Variants in ZNG1A observed in about 807,000 individuals in gnomAD.
ZNG1A encodes zinc-regulated GTPase metalloprotein activator 1A.
the ZNG1A span, among the ~76,000 whole-genome samples, chr9:176,057 C>A: frequency 3.4e-5 from 5 of 149,058 alleles, no homozygotes; most frequent in Non-Finnish European, 7.4e-5. Context: ...AATTTACACA[C>A]AATCTTTTAT....
the ZNG1A span, among the ~76,000 whole-genome samples, chr9:174,003 C>G: frequency 6.6e-6 from 1 of 151,856 alleles, no homozygotes; most frequent in African/African-American, 2.4e-5. Context: ...AAAAATTAGC[C>G]AGGTGTGGTA....
At chr9:128,889 C>T in the ZNG1A span, among the ~76,000 whole-genome samples, 4 of 151,488 alleles carry the variant, frequency 2.6e-5, no homozygotes, top group Non-Finnish European at 4.4e-5. Context: ...GTAGTACTCT[C>T]TCCCTTTTCC....
the ZNG1A span, among the ~76,000 whole-genome samples, chr9:144,549 C>A: frequency 6.7e-6 from 1 of 149,800 alleles, no homozygotes; most frequent in Non-Finnish European, 1.5e-5. Context: ...ATCAATTCAA[C>A]ATGGATTAAA....
chr9:139,974 C>T, the ZNG1A span, among the ~76,000 whole-genome samples: 1 of 150,640 alleles, frequency 6.6e-6, no homozygotes, highest in East Asian at 1.9e-4. Context: ...AAACGGCGCA[C>T]CACGAGATTA....
chr9:149,041 G>C, the ZNG1A span: 1 of 149,400 alleles, frequency 6.7e-6, no homozygotes, highest in East Asian at 1.9e-4. Flanking sequence ...TTGAACTCTG[G>C]AAATAAATTT....
the ZNG1A span, chr9:152,855 TATA>T: frequency 3.8e-5 from 5 of 131,662 alleles, no homozygotes; most frequent in Non-Finnish European, 6.4e-5. Flanking sequence ...GCTTCCCACA[TATA>T]ATGATTCTGA....
chr9:177,706 G>A, the ZNG1A span: 1 of 1,459,480 alleles, frequency 6.9e-7, no homozygotes, highest in African/African-American at 1.4e-5. Flanking sequence ...ATTTTCTCCA[G>A]TGATCTACTG....
chr9:157,294 T>G, the ZNG1A span, among the ~76,000 whole-genome samples: 1 of 149,894 alleles, frequency 6.7e-6, no homozygotes, highest in African/African-American at 2.5e-5. Context: ...CTGTTTTTTT[T>G]TTTTTCCCCC....
chr9:154,901 G>A, the ZNG1A span: 40 of 1,121,712 alleles, frequency 3.6e-5, no homozygotes, highest in African/African-American at 1.2e-4. Flanking sequence ...AAATAAAAAC[G>A]CCTCATGTAG....
At chr9:164,342 A>T in the ZNG1A span, 1 of 252,770 alleles carries the variant, frequency 4.0e-6, no homozygotes, top group South Asian at 6.1e-5. Flanking sequence ...ATTAACAGAT[A>T]TTATCAAACA....
At chr9:178,575 C>T in the ZNG1A span, among the ~76,000 whole-genome samples, 56,455 of 100,800 alleles carry the variant, frequency 0.56, 22,383 homozygotes, top group African/African-American at 0.7. Context: ...CAAAGCCTTG[C>T]TTCAAAGGCT....
At chr9:134,950 A>C in the ZNG1A span, 1 of 1,249,570 alleles carries the variant, frequency 8.0e-7, no homozygotes, top group Non-Finnish European at 1.1e-6. Flanking sequence ...ATTGATTAGG[A>C]ATTTTGGATT....
At chr9:175,606 A>G in the ZNG1A span, 2 of 1,461,118 alleles carry the variant, frequency 1.4e-6, no homozygotes, top group Non-Finnish European at 1.9e-6. Flanking sequence ...AATACCTTGC[A>G]TTTTCATTTT....
chr9:126,382 T>C, the ZNG1A span, among the ~76,000 whole-genome samples: 1 of 144,650 alleles, frequency 6.9e-6, no homozygotes, highest in Non-Finnish European at 1.5e-5. Flanking sequence ...ACCATTTCAA[T>C]CTCCCTGCTT....
At chr9:121,699 G>C in the ZNG1A span, 1 of 1,196,760 alleles carries the variant, frequency 8.4e-7, no homozygotes, top group Non-Finnish European at 1.2e-6. Context: ...TAGTAATTGA[G>C]TGATTCCATC....
the ZNG1A span, among the ~76,000 whole-genome samples, chr9:159,517 T>G: frequency 6.6e-6 from 1 of 152,216 alleles, no homozygotes; most frequent in East Asian, 1.9e-4. Context: ...ATTCACACAT[T>G]GTATACCTTA....
the ZNG1A span, chr9:172,495 A>C: frequency 4.2e-6 from 1 of 235,952 alleles, no homozygotes; most frequent in Admixed American, 5.0e-5. Flanking sequence ...ATAATGATAA[A>C]ATGTATTAAC....
At chr9:149,196 C>T in the ZNG1A span, 2 of 151,792 alleles carry the variant, frequency 1.3e-5, no homozygotes, top group South Asian at 4.2e-4. Context: ...CACATTGAAT[C>T]TACCTCCCAA....
chr9:131,333 GGTTTGT>G, the ZNG1A span, among the ~76,000 whole-genome samples: 1 of 147,764 alleles, frequency 6.8e-6, no homozygotes, highest in Non-Finnish European at 1.5e-5. Context: ...AACTTACTCA[GGTTTGT>G]TTATTTAGTC....
Sources: allele counts gnomAD v4.1 joint callset (sites outside exome capture counted in the v4.1 genomes callset), GRCh38; gene constraint gnomAD v4.1.1; transcripts MANE v1.5; gene names NCBI Gene and HGNC (gene_info 2026-07-23, HGNC 2026-07-21).